The following DGKB variants were observed in gnomAD, a reference collection of about 807,000 sequenced individuals.
DGKB encodes the protein diacylglycerol kinase beta, also known as 90 kDa diacylglycerol kinase.
A neutral mutation model predicts 114.3 loss-of-function variants in DGKB; 67 were observed. The observed-to-expected ratio is 0.59, with a 90% CI of 0.48 to 0.72. The LOEUF is 0.72. DGKB is among the 30% of genes least tolerant of loss of function. The probability of loss-of-function intolerance (pLI) is 0.00; values close to 1 mark genes in which losing one functional copy is unlikely to be tolerated. For synonymous variants in DGKB, 398 were observed against 323.1 expected (o/e 1.23, Z -2.49); for missense variants, 907 against 975.2 (o/e 0.93, Z 0.93).
intron 23 of DGKB, among the ~76,000 whole-genome samples, chr7:14,223,469 C>A (rs1330557931): frequency 6.6e-6 from 1 of 151,678 alleles, no homozygotes; most frequent in Non-Finnish European, 1.5e-5. Context: ...AAACACGTTA[C>A]TTTCCTACAT....
chr7:14,344,746 T>A (rs1467837608), intron 22 of DGKB, among the ~76,000 whole-genome samples: 5 of 151,616 alleles, frequency 3.3e-5, no homozygotes, highest in Non-Finnish European at 7.4e-5. Context: ...CAAGTCTTTT[T>A]AAAATGTGTC....
At chr7:14,615,001 T>C (rs1429495443) in intron 15 of DGKB, among the ~76,000 whole-genome samples, 1 of 152,034 alleles carries the variant, frequency 6.6e-6, no homozygotes, top group Non-Finnish European at 1.5e-5. Flanking sequence ...CTTCCTCCCA[T>C]TAAAAACTAA....
At chr7:14,738,871 G>A (rs778060678) in intron 4 of DGKB, among the ~76,000 whole-genome samples, 9 of 152,160 alleles carry the variant, frequency 5.9e-5, no homozygotes, top group Non-Finnish European at 1.2e-4. Context: ...GCTCTTTCAA[G>A]CCAAGACTTT....
chr7:14,227,504 C>A (rs745646557), intron 23 of DGKB, among the ~76,000 whole-genome samples: 1 of 151,980 alleles, frequency 6.6e-6, no homozygotes, highest in African/African-American at 2.4e-5. Context: ...GTCAATCTAC[C>A]AGGCATACAA....
At chr7:14,511,957 A>G (rs1027395776) in intron 20 of DGKB, among the ~76,000 whole-genome samples, 3 of 152,200 alleles carry the variant, frequency 2.0e-5, no homozygotes, top group Non-Finnish European at 4.4e-5. Flanking sequence ...CATTTGTGGT[A>G]TTCCCAAACA....
intron 9 of DGKB, among the ~76,000 whole-genome samples, chr7:14,689,066 T>TAG (rs995348793): frequency 6.6e-6 from 1 of 151,606 alleles, no homozygotes; most frequent in Non-Finnish European, 1.5e-5. Context: ...TTAACTTATA[T>TAG]AGAGAGAGAG....
rs533914673 is a variant in DGKB at position 14,883,935 on chromosome 7, C to T, written c.-188+18657G>A. 9.2e-5 allele frequency among the ~76,000 whole-genome samples: 14 copies of T among 152,070 alleles called. No individual in the cohort carries two copies. In the East Asian group the frequency reaches 2.7e-3, roughly 29 times the overall value. The stretch of plus-strand genomic sequence containing the variant: ...ATTAATAAATAGGTGCTTCCATCAC[C>T]ATTCCGTCACTTATCACAGTGACAG... On this transcript the variant is annotated intron_variant, in intron 1 of 25. Coordinates refer to ENST00000402815, the MANE Select transcript of DGKB (RefSeq NM_001350709.2).
chr7:14,249,171 T>A (rs756969585), intron 23 of DGKB, among the ~76,000 whole-genome samples: 1 of 152,194 alleles, frequency 6.6e-6, no homozygotes, highest in Non-Finnish European at 1.5e-5. Context: ...TGATGAAGCA[T>A]CCTTACATCC....
intron 2 of DGKB, among the ~76,000 whole-genome samples, chr7:14,788,251 G>A (rs1840173197): frequency 6.6e-6 from 1 of 152,214 alleles, no homozygotes; most frequent in African/African-American, 2.4e-5. Flanking sequence ...CCCCATCCCT[G>A]AAGCTCAGGT....
intron 19 of DGKB, among the ~76,000 whole-genome samples, chr7:14,580,428 G>A (rs888574318): frequency 2.0e-5 from 3 of 152,164 alleles, no homozygotes; most frequent in African/African-American, 4.8e-5. Context: ...CATAGAGTGA[G>A]TCTCAAAACT....
intron 2 of DGKB, among the ~76,000 whole-genome samples, chr7:14,835,184 C>T (rs1846979149): frequency 6.6e-6 from 1 of 152,162 alleles, no homozygotes; most frequent in Non-Finnish European, 1.5e-5. Flanking sequence ...ATTCAAGTTT[C>T]AGACCAAGTG....
chr7:14,771,004 G>T (rs983984717), intron 2 of DGKB, among the ~76,000 whole-genome samples: 4 of 151,796 alleles, frequency 2.6e-5, no homozygotes, highest in Non-Finnish European at 5.9e-5. Context: ...TTTTATTGGG[G>T]GTATCTGAAG....
intron 1 of DGKB, among the ~76,000 whole-genome samples, chr7:14,960,358 T>A (rs117485444): frequency 6.6e-6 from 1 of 152,026 alleles, no homozygotes; most frequent in Non-Finnish European, 1.5e-5. Context: ...AATGAAGTTT[T>A]CACCTAAAAA....
chr7:14,375,354 G>C (rs1818311771), intron 21 of DGKB, among the ~76,000 whole-genome samples: 1 of 152,228 alleles, frequency 6.6e-6, no homozygotes, highest in South Asian at 2.1e-4. Context: ...ATGAAACTGA[G>C]TGAGAGATAA....
intron 1 of DGKB, among the ~76,000 whole-genome samples, chr7:14,893,859 G>T (rs1197447886): frequency 6.6e-6 from 1 of 151,110 alleles, no homozygotes; most frequent in Admixed American, 6.6e-5. Flanking sequence ...TTCTACAACT[G>T]CACATAGCCC....
chr7:14,810,573 G>T (rs966894561), intron 2 of DGKB, among the ~76,000 whole-genome samples: 1 of 152,060 alleles, frequency 6.6e-6, no homozygotes, highest in African/African-American at 2.4e-5. Context: ...AAAACACTAA[G>T]GAATAAATTT....
intron 20 of DGKB, among the ~76,000 whole-genome samples, chr7:14,535,923 C>T (rs1055302823): frequency 4.6e-5 from 7 of 151,672 alleles, no homozygotes; most frequent in Admixed American, 3.3e-4. Context: ...GAATTCTTAT[C>T]GATAGACGTA....
At chr7:14,779,112 T>C (rs1022573919) in intron 2 of DGKB, among the ~76,000 whole-genome samples, 32 of 152,258 alleles carry the variant, frequency 2.1e-4, no homozygotes, top group African/African-American at 7.7e-4. Context: ...GCCAAGATCG[T>C]GCCACTGCTC....
At chr7:14,423,410 G>A (rs17168164) in intron 21 of DGKB, among the ~76,000 whole-genome samples, 3,051 of 152,020 alleles carry the variant, frequency 0.02, 90 homozygotes, top group African/African-American at 0.07. Context: ...ATTGTCTGAC[G>A]TTTAAGAGGT....
Sources: gnomAD v4.1 joint callset for allele counts (sites outside exome capture counted in the v4.1 genomes callset) on GRCh38, gnomAD v4.1.1 for gene constraint, MANE v1.5 for transcripts, NCBI Gene and HGNC (gene_info 2026-07-23, HGNC 2026-07-21) for gene names.